LDLRAD4: variants seen among roughly 807,000 people sequenced by gnomAD.
LDLRAD4 encodes low-density lipoprotein receptor class A domain-containing protein 4.
Under a neutral mutation model 17.0 loss-of-function variants are expected in LDLRAD4, and 5 were observed. The observed-to-expected ratio is 0.29, with a 90% CI of 0.15 to 0.62. LDLRAD4 has a LOEUF of 0.62. LDLRAD4 is among the 20% of genes least tolerant of loss of function. The probability of loss-of-function intolerance (pLI) is 0.84; values close to 1 mark genes in which losing one functional copy is unlikely to be tolerated. For synonymous variants in LDLRAD4, 168 were observed against 171.8 expected, an observed-to-expected ratio of 0.98 and a Z score of 0.17; for missense variants, 340 against 424.7, an observed-to-expected ratio of 0.80 and a Z score of 1.75.
intron 3 of LDLRAD4, among the ~76,000 whole-genome samples, chr18:13,598,012 A>G (rs1181028377): frequency 2.0e-5 from 3 of 152,204 alleles, no homozygotes; most frequent in Middle Eastern, 3.4e-3. Context: ...GTTAAGCTGG[A>G]TATCTGGGCC....
intron 1 of LDLRAD4, among the ~76,000 whole-genome samples, chr18:13,336,202 C>T (rs898707791): frequency 4.6e-5 from 7 of 152,124 alleles, no homozygotes; most frequent in Non-Finnish European, 7.4e-5. Flanking sequence ...GATTCCAACC[C>T]GAATCAAATG....
intron 1 of LDLRAD4, among the ~76,000 whole-genome samples, chr18:13,223,524 C>A (rs1003057580): frequency 6.6e-6 from 1 of 152,124 alleles, no homozygotes; most frequent in Non-Finnish European, 1.5e-5. Flanking sequence ...GCATTGTTCT[C>A]GGAGTCCGTG....
At chr18:13,495,059 G>A (rs1253030517) in intron 3 of LDLRAD4, among the ~76,000 whole-genome samples, 1 of 152,114 alleles carries the variant, frequency 6.6e-6, no homozygotes, top group Non-Finnish European at 1.5e-5. Flanking sequence ...AGTCTGCCAA[G>A]TTTTCACAGT....
At chr18:13,352,954 T>C (rs562692770) in intron 1 of LDLRAD4, among the ~76,000 whole-genome samples, 59 of 152,334 alleles carry the variant, frequency 3.9e-4, no homozygotes, top group South Asian at 1.5e-3. Flanking sequence ...GGTTCCATTT[T>C]ATAATTTCTG....
At chr18:13,521,049 G>A (rs200824816) in intron 3 of LDLRAD4, 13 of 152,302 alleles carry the variant, frequency 8.5e-5, no homozygotes, top group East Asian at 3.9e-4. Flanking sequence ...CAGAAAGCCC[G>A]TTAGACTTTG....
At chr18:13,602,345 G>A (rs1260662511) in intron 3 of LDLRAD4, among the ~76,000 whole-genome samples, 1 of 152,086 alleles carries the variant, frequency 6.6e-6, no homozygotes, top group Non-Finnish European at 1.5e-5. Context: ...GTATCAGACA[G>A]TTTAGTAGGG....
intron 3 of LDLRAD4, among the ~76,000 whole-genome samples, chr18:13,618,146 A>G (rs975668783): frequency 6.6e-6 from 1 of 152,240 alleles, no homozygotes; most frequent in Non-Finnish European, 1.5e-5. Context: ...CAGACAGGCC[A>G]GTGCACGTGT....
At chr18:13,365,492 C>T (rs1022461243) in intron 1 of LDLRAD4, among the ~76,000 whole-genome samples, 3 of 152,160 alleles carry the variant, frequency 2.0e-5, no homozygotes, top group South Asian at 2.1e-4. Context: ...TTCCACCTTT[C>T]GTGCATAAGA....
intron 3 of LDLRAD4, among the ~76,000 whole-genome samples, chr18:13,468,026 T>G (rs1209043903): frequency 6.6e-6 from 1 of 152,048 alleles, no homozygotes; most frequent in African/African-American, 2.4e-5. Context: ...GCCAAGAGCA[T>G]AAAATTCGTA....
intron 3 of LDLRAD4, among the ~76,000 whole-genome samples, chr18:13,590,631 A>G (rs2095011838): frequency 6.6e-6 from 1 of 152,096 alleles, no homozygotes; most frequent in African/African-American, 2.4e-5. Context: ...CCCAAAACCA[A>G]GTTCTGGCTG....
chr18:13,390,211 C>G (rs1260994664), intron 2 of LDLRAD4, among the ~76,000 whole-genome samples: 5 of 152,238 alleles, frequency 3.3e-5, no homozygotes, highest in African/African-American at 4.8e-5. Context: ...CCTCTTCCCC[C>G]CAGTGTCAGC....
chr18:13,494,406 A>G (rs759534056), intron 3 of LDLRAD4, among the ~76,000 whole-genome samples: 5 of 151,936 alleles, frequency 3.3e-5, no homozygotes, highest in African/African-American at 7.3e-5. Context: ...TCACACTGCA[A>G]TGTGCCACCG....
chr18:13,294,146 A>G lies in LDLRAD4; in HGVS notation c.-383+15958A>G, dbSNP rs543485361. ...TAACTCCCACATGCTTAGCGTTCCA[A>G]TAATGGAACACTGCGCATAAATGGG... On this transcript the variant is annotated intron_variant, in intron 1 of 5. Coordinates refer to ENST00000359446, the Ensembl canonical transcript of LDLRAD4. Among the ~76,000 whole-genome samples, 9 of 152,388 alleles carry G rather than the reference A, an allele frequency of 5.9e-5. No homozygotes were observed. In the South Asian group the frequency reaches 6.2e-4, roughly 11 times the overall value.
At chr18:13,623,776 C>T (rs1416839499) in intron 4 of LDLRAD4, among the ~76,000 whole-genome samples, 3 of 152,192 alleles carry the variant, frequency 2.0e-5, no homozygotes, top group Admixed American at 2.0e-4. Context: ...ATCCATTTCC[C>T]TCTCTCTGCC....
intron 1 of LDLRAD4, among the ~76,000 whole-genome samples, chr18:13,320,645 G>A (rs1256949341): frequency 6.6e-6 from 1 of 152,218 alleles, no homozygotes; most frequent in East Asian, 1.9e-4. Flanking sequence ...TCTGTCCTGT[G>A]ACGGTGAGGA....
At chr18:13,582,028 A>T (rs184168726) in intron 3 of LDLRAD4, among the ~76,000 whole-genome samples, 61 of 152,294 alleles carry the variant, frequency 4.0e-4, no homozygotes, top group Non-Finnish European at 6.9e-4. Flanking sequence ...GGGCTGTGAA[A>T]GGAGCATGGC....
chr18:13,248,133 G>T (rs960481276), intron 1 of LDLRAD4, among the ~76,000 whole-genome samples: 1 of 147,320 alleles, frequency 6.8e-6, no homozygotes, highest in Non-Finnish European at 1.5e-5. Context: ...GCTAATTTTG[G>T]TATTTTTTTA....
At chr18:13,446,885 G>T (rs2091444275) in intron 3 of LDLRAD4, among the ~76,000 whole-genome samples, 1 of 152,246 alleles carries the variant, frequency 6.6e-6, no homozygotes, top group Non-Finnish European at 1.5e-5. Context: ...TGCTGGGAGG[G>T]GTGGGGCCTG....
At chr18:13,594,059 C>T (rs1374239202) in intron 3 of LDLRAD4, among the ~76,000 whole-genome samples, 2 of 152,216 alleles carry the variant, frequency 1.3e-5, no homozygotes, top group Admixed American at 6.5e-5. Context: ...CATACACACA[C>T]ACACACATGC....
Sources: gnomAD v4.1 joint callset for allele counts (sites outside exome capture counted in the v4.1 genomes callset) on GRCh38, gnomAD v4.1.1 for gene constraint, MANE v1.5 for transcripts, NCBI Gene and HGNC (gene_info 2026-07-23, HGNC 2026-07-21) for gene names.